The following F2R variants were observed in gnomAD, a reference collection of about 807,000 sequenced individuals.
F2R encodes the protein proteinase-activated receptor 1.
In F2R, 12 loss-of-function variants were observed where a neutral mutation model predicts 18.3. The ratio of observed to expected loss-of-function variants is 0.66; its 90% CI spans 0.42 to 1.06. The LOEUF is 1.06. Among genes scored for constraint, F2R ranks in the 50% least tolerant of loss-of-function variants. F2R has a pLI of 0.00. For synonymous variants in F2R, 210 were observed against 219.9 expected (o/e 0.95, Z 0.40); for missense variants, 438 against 530.8 (o/e 0.83, Z 1.72).
intron 1 of F2R, among the ~76,000 whole-genome samples, chr5:76,728,685 C>CTTTTTTTT (rs763418437): frequency 7.2e-4 from 65 of 90,516 alleles, no homozygotes; most frequent in Non-Finnish European, 7.5e-4. Flanking sequence ...ACATCCTGGT[C>CTTTTTTTT]TTTTTTTTTT....
intron 1 of F2R, among the ~76,000 whole-genome samples, chr5:76,717,681 T>G (rs901995852): frequency 3.9e-5 from 6 of 152,040 alleles, no homozygotes; most frequent in Non-Finnish European, 8.8e-5. Flanking sequence ...AAAAATTGTT[T>G]GCGATGAGAT....
chr5:76,719,166 G>T (rs952185867), intron 1 of F2R, among the ~76,000 whole-genome samples: 8 of 152,218 alleles, frequency 5.3e-5, no homozygotes, highest in Non-Finnish European at 8.8e-5. Context: ...GACTACAGCT[G>T]ACATCCTTCT....
chr5:76,733,049 C>A lies in F2R; in HGVS notation c.824C>A (p.Ser275Tyr). 1 of 1,614,184 alleles carries A rather than the reference C, an allele frequency of 6.2e-7. No homozygotes were observed. The highest frequency in any genetic ancestry group is 1.1e-5 in the South Asian group (1 of 91,082). Reference sequence around the variant, plus strand: ...TATGCCTACTACTTCTCAGCCTTCTCTGCTGTCTTCTTTTTTGTGCCGCTG... The same window carrying A: ...TATGCCTACTACTTCTCAGCCTTCTATGCTGTCTTCTTTTTTGTGCCGCTG... ...GYYAYYFSAF[S>Y]AVFFFVPLII... The change falls in exon 2 of 2, where the codon TCT becomes TAT. Residue 275 changes from serine (S) to tyrosine (Y), a missense_variant. Transcript: ENST00000319211.
chr5:76,718,004 C>T (rs1199549989), intron 1 of F2R, among the ~76,000 whole-genome samples: 2 of 152,058 alleles, frequency 1.3e-5, no homozygotes, highest in African/African-American at 4.8e-5. Flanking sequence ...ATTCTGGAAC[C>T]ACTTTGGGAG....
chr5:76,716,684 C>G, intron 1 of F2R: 1 of 743,406 alleles, frequency 1.3e-6, no homozygotes, highest in Non-Finnish European at 2.4e-6. Flanking sequence ...GGGGAGCCTG[C>G]AGTCCTGCGT....
chr5:76,722,525 A>C (rs1267567694), intron 1 of F2R, among the ~76,000 whole-genome samples: 1 of 152,118 alleles, frequency 6.6e-6, no homozygotes, highest in African/African-American at 2.4e-5. Context: ...ACTTTCCTGC[A>C]ACTTCCCTTC....
intron 1 of F2R, among the ~76,000 whole-genome samples, chr5:76,721,998 T>C (rs1748465308): frequency 6.6e-6 from 1 of 152,252 alleles, no homozygotes; most frequent in Non-Finnish European, 1.5e-5. Flanking sequence ...ATTCCTATGG[T>C]AGCCAAATCA....
At chr5:76,731,199 A>G (rs1441065278) in intron 1 of F2R, among the ~76,000 whole-genome samples, 1 of 152,214 alleles carries the variant, frequency 6.6e-6, no homozygotes, top group Non-Finnish European at 1.5e-5. Context: ...ATAGTGAGAG[A>G]TTTCTACATT....
At chr5:76,722,204 C>G (rs773042321) in intron 1 of F2R, among the ~76,000 whole-genome samples, 2 of 152,144 alleles carry the variant, frequency 1.3e-5, no homozygotes, top group Admixed American at 6.5e-5. Flanking sequence ...TGTCCCCATC[C>G]CCAGCCCTGG....
chr5:76,718,638 A>G (rs969520367), intron 1 of F2R, among the ~76,000 whole-genome samples: 4 of 152,226 alleles, frequency 2.6e-5, no homozygotes, highest in Admixed American at 1.3e-4. Flanking sequence ...ATAAAGTTTT[A>G]TTTATCCCCA....
chr5:76,729,754 G>A (rs760011263), intron 1 of F2R, among the ~76,000 whole-genome samples: 1 of 152,206 alleles, frequency 6.6e-6, no homozygotes, highest in African/African-American at 2.4e-5. Flanking sequence ...TGGTGATAAC[G>A]ATTTGGCTCT....
chr5:76,731,437 G>T (rs576196447), intron 1 of F2R, among the ~76,000 whole-genome samples: 175 of 151,790 alleles, frequency 1.2e-3, no homozygotes, highest in Non-Finnish European at 1.6e-3. Flanking sequence ...TCGCGCCACT[G>T]TGCTCCAGCC....
Position 76,733,400 on chromosome 5 carries a change from C to G in F2R, c.1175C>G (p.Ser392Cys). 1 of 1,614,188 alleles carries G rather than the reference C, an allele frequency of 6.2e-7. No individual in the cohort carries two copies. Among genetic ancestry groups the G allele is most frequent in the Non-Finnish European group, 8.5e-7 (1 of 1,180,042 alleles). Residue 392 changes from serine to cysteine, a missense_variant, in exon 2 of 2, where the codon TCC becomes TGC. Ser to Cys is a moderately radical substitution (Grantham distance 112). Coordinates refer to ENST00000319211, the MANE Select transcript of F2R (RefSeq NM_001992.5). The part of the protein sequence containing the change: ...VYSILCCKES[S>C]DPSSYNSSGQ... Reference sequence around the variant, plus strand: ...AGTATCTTATGCTGCAAAGAAAGTTCCGATCCCAGCAGTTATAACAGCAGT... The same window carrying G: ...AGTATCTTATGCTGCAAAGAAAGTTGCGATCCCAGCAGTTATAACAGCAGT...
intron 1 of F2R, among the ~76,000 whole-genome samples, chr5:76,721,097 A>G (rs1225971451): frequency 6.6e-6 from 1 of 152,162 alleles, no homozygotes; most frequent in Non-Finnish European, 1.5e-5. Context: ...GTGAGCCACC[A>G]TGCCCAGTCT....
chr5:76,721,757 A>G (rs1309419309), intron 1 of F2R, among the ~76,000 whole-genome samples: 1 of 152,266 alleles, frequency 6.6e-6, no homozygotes, highest in Non-Finnish European at 1.5e-5. Context: ...CAATCATAGT[A>G]TATATGTAAA....
chr5:76,726,463 G>A (rs1361481765), intron 1 of F2R, among the ~76,000 whole-genome samples: 1 of 151,994 alleles, frequency 6.6e-6, no homozygotes, highest in African/African-American at 2.4e-5. Context: ...CCCGGGAGGT[G>A]GAGTTAGCAG....
In F2R at chr5:76,732,299, A is replaced by C; in HGVS notation, c.89-15A>C. 6.4e-7 allele frequency: 1 copy of C among 1,555,910 alleles called. No individual in the cohort carries two copies. The highest frequency in any genetic ancestry group is 1.4e-5 in the African/African-American group (1 of 72,118). ...CACTTTTTACATTTAAAATTTTTTT[A>C]ATTTTATTTTTCAGAATCAAAAGCA... On this transcript the variant is annotated splice_polypyrimidine_tract_variant and intron_variant, in intron 1 of 1. Transcript: ENST00000319211.
Position 76,716,186 on chromosome 5 carries a change from C to G in F2R, c.-122C>G. The stretch of plus-strand genomic sequence containing the variant: ...TGGACCCTGATCTTACCCGTGGGCA[C>G]CCTGCGCTCTGCCTGCCGCGAAGAC... On this transcript the variant is annotated 5_prime_UTR_variant, in exon 1 of 2. Coordinates refer to ENST00000319211, the MANE Select transcript of F2R (RefSeq NM_001992.5). 2 of 722,314 alleles carry G rather than the reference C, an allele frequency of 2.8e-6. No homozygotes were observed. The highest frequency in any genetic ancestry group is 4.0e-6 in the Non-Finnish European group (2 of 502,672). 44.7% of individuals were successfully genotyped at this position (722,314 alleles called of 1,614,324 possible).
At chr5:76,720,289 A>G (rs1240312117) in intron 1 of F2R, among the ~76,000 whole-genome samples, 1 of 151,976 alleles carries the variant, frequency 6.6e-6, no homozygotes, top group Non-Finnish European at 1.5e-5. Flanking sequence ...AAATAATTAA[A>G]AAGTAGCCAG....
Sources: allele counts gnomAD v4.1 joint callset (sites outside exome capture counted in the v4.1 genomes callset), GRCh38; gene constraint gnomAD v4.1.1; transcripts MANE v1.5; gene names NCBI Gene and HGNC (gene_info 2026-07-23, HGNC 2026-07-21).